The following BCL2 variants were observed in gnomAD, a reference collection of about 807,000 sequenced individuals.
BCL2 encodes apoptosis regulator Bcl-2.
Under a neutral mutation model 14.2 loss-of-function variants are expected in BCL2, and 1 was observed. The observed-to-expected ratio is 0.07, with a 90% CI of 0.02 to 0.33. The LOEUF (loss-of-function observed/expected upper bound fraction) is 0.33, where lower values mean the gene tolerates loss of function less well. Among genes scored for constraint, BCL2 ranks in the 10% least tolerant of loss-of-function variants. BCL2 has a pLI of 0.99. For missense variants in BCL2, 247 were observed against 305.9 expected, an observed-to-expected ratio of 0.81 and a Z score of 1.44; for synonymous variants, 151 against 137.2, an observed-to-expected ratio of 1.10 and a Z score of -0.70.
intron 2 of BCL2, among the ~76,000 whole-genome samples, chr18:63,218,028 G>T (rs1910254806): frequency 6.6e-6 from 1 of 152,176 alleles, no homozygotes; most frequent in South Asian, 2.1e-4. Context: ...TAGAAAGATA[G>T]GCCCCAGAAC....
chr18:63,312,708 G>A (rs527869505), intron 2 of BCL2, among the ~76,000 whole-genome samples: 48 of 152,230 alleles, frequency 3.2e-4, no homozygotes, highest in South Asian at 1.7e-3. Flanking sequence ...AAGAGCCCCC[G>A]CTCTGGTTCA....
intron 2 of BCL2, among the ~76,000 whole-genome samples, chr18:63,249,911 A>C (rs1338194609): frequency 6.6e-6 from 1 of 152,050 alleles, no homozygotes; most frequent in Non-Finnish European, 1.5e-5. Context: ...CCAGTGTGGA[A>C]GGAAAGGGAA....
At chr18:63,131,230 C>T (rs1424301813) in intron 2 of BCL2, among the ~76,000 whole-genome samples, 2 of 152,144 alleles carry the variant, frequency 1.3e-5, no homozygotes, top group Admixed American at 1.3e-4. Flanking sequence ...ATCAGCTAGC[C>T]CAGACCAGCG....
chr18:63,243,324 G>A (rs1287069228), intron 2 of BCL2, among the ~76,000 whole-genome samples: 2 of 152,088 alleles, frequency 1.3e-5, no homozygotes, highest in Non-Finnish European at 2.9e-5. Context: ...AGAACACATG[G>A]ACATATACAG....
At position 63,140,741 on chromosome 18, in the gene BCL2, A is replaced by G. The variant is rs543737989; in HGVS notation, c.586-11982T>C. Reference sequence around the variant, plus strand: ...ATTAGCTAAGGGTGATGGCTGTATAACCTTTTGAATATGCTAAAAACCAAT... The same window carrying G: ...ATTAGCTAAGGGTGATGGCTGTATAGCCTTTTGAATATGCTAAAAACCAAT... On this transcript the variant is annotated intron_variant, in intron 2 of 2. Coordinates refer to ENST00000333681, the MANE Select transcript of BCL2 (RefSeq NM_000633.3). Among the ~76,000 whole-genome samples the G allele has an allele frequency of 4.6e-5, 7 of 152,358 alleles. No individual in the cohort carries two copies. The East Asian group carries it at 1.3e-3, about 29-fold the overall frequency.
intron 2 of BCL2, among the ~76,000 whole-genome samples, chr18:63,261,036 G>T (rs181115986): frequency 6.6e-6 from 1 of 152,308 alleles, no homozygotes; most frequent in Admixed American, 6.5e-5. Flanking sequence ...TCGAGGGGCT[G>T]CTTCTTATCC....
rs116529078 is a variant in BCL2 at position 63,213,864 on chromosome 18, G to A, written c.586-85105C>T. Among the ~76,000 whole-genome samples the A allele has an allele frequency of 6.3e-3, 963 of 152,186 alleles. 9 individuals carry two copies. The highest frequency in any genetic ancestry group is 0.021 in the African/African-American group (874 of 41,500). ...CAGAATCTACAGGGCCCACCTCAAC[G>A]CACAAGGAAGCCCCAGGCCCTCAGG... On this transcript the variant is annotated intron_variant, in intron 2 of 2. Transcript: ENST00000333681.
In BCL2 at chr18:63,123,624, A is replaced by G. The variant is rs1157486934; in HGVS notation, c.*5001T>C. Reference sequence around the variant, plus strand: ...AAAATCTTGATAACAAAAGCTTTCAATACAAAAACACTTATTGTACACTTA... The same window carrying G: ...AAAATCTTGATAACAAAAGCTTTCAGTACAAAAACACTTATTGTACACTTA... On this transcript the variant is annotated 3_prime_UTR_variant, in exon 3 of 3. Transcript: ENST00000333681. 2 of 211,490 alleles carry G rather than the reference A, an allele frequency of 9.5e-6. No individual in the cohort carries two copies. Among genetic ancestry groups the G allele is most frequent in the Non-Finnish European group, 1.9e-5 (2 of 104,464 alleles). The allele number at this position is 211,490 out of a possible 1,614,324, so 13.1% of individuals were successfully genotyped here.
intron 2 of BCL2, among the ~76,000 whole-genome samples, chr18:63,310,342 AAC>A (rs1913272179): frequency 2.0e-5 from 3 of 152,054 alleles, no homozygotes; most frequent in African/African-American, 7.2e-5. Context: ...CAATTCCCCA[AAC>A]ACACCTCCCG....
At position 63,279,407 on chromosome 18, in the gene BCL2, T is replaced by C. The variant is rs76745750; in HGVS notation, c.585+38675A>G. 7.9e-5 allele frequency among the ~76,000 whole-genome samples: 12 copies of C among 152,152 alleles called. No homozygotes were observed. The East Asian group carries it at 2.3e-3, about 29-fold the overall frequency. ...TGCATAGGCACGTTCTAAAAGAAAA[T>C]AAGCATATGAAAAGATTATTAGTAA... is the stretch of plus-strand genomic sequence containing the variant. On this transcript the variant is annotated intron_variant, in intron 2 of 2. Coordinates refer to ENST00000333681, the MANE Select transcript of BCL2 (RefSeq NM_000633.3).
intron 2 of BCL2, among the ~76,000 whole-genome samples, chr18:63,144,809 C>T (rs1309360492): frequency 6.6e-6 from 1 of 152,152 alleles, no homozygotes; most frequent in East Asian, 1.9e-4. Context: ...AATGGGGCCA[C>T]ATCAACAGAA....
chr18:63,210,738 A>T (rs1013062661), intron 2 of BCL2, among the ~76,000 whole-genome samples: 3 of 151,994 alleles, frequency 2.0e-5, no homozygotes, highest in Non-Finnish European at 4.4e-5. Context: ...TTTTTTTTCC[A>T]CTGCCATTCA....
At chr18:63,197,540 C>T (rs557719721) in intron 2 of BCL2, among the ~76,000 whole-genome samples, 7 of 152,130 alleles carry the variant, frequency 4.6e-5, no homozygotes, top group South Asian at 2.1e-4. Flanking sequence ...CCTCAGAGGA[C>T]GGTGTCTGTG....
chr18:63,190,904 C>T (rs1055450524), intron 2 of BCL2, among the ~76,000 whole-genome samples: 1 of 152,170 alleles, frequency 6.6e-6, no homozygotes, highest in Non-Finnish European at 1.5e-5. Flanking sequence ...TCCCTGTGTC[C>T]ATGTGTTCTC....
At chr18:63,172,316 C>T (rs944326779) in intron 2 of BCL2, among the ~76,000 whole-genome samples, 4 of 152,248 alleles carry the variant, frequency 2.6e-5, no homozygotes, top group African/African-American at 7.2e-5. Flanking sequence ...TTATTCCTCA[C>T]TTATCTGTCT....
intron 2 of BCL2, among the ~76,000 whole-genome samples, chr18:63,233,805 T>G (rs1910749740): frequency 6.6e-6 from 1 of 151,782 alleles, no homozygotes; most frequent in African/African-American, 2.4e-5. Context: ...TTCTAAAGAG[T>G]GTTTACTGCT....
intron 2 of BCL2, among the ~76,000 whole-genome samples, chr18:63,147,065 C>T (rs1244484924): frequency 6.6e-6 from 1 of 152,204 alleles, no homozygotes; most frequent in Non-Finnish European, 1.5e-5. Context: ...CTCTGAAGCT[C>T]ATCATGTTAT....
intron 2 of BCL2, among the ~76,000 whole-genome samples, chr18:63,160,989 C>A (rs1914906844): frequency 6.6e-6 from 1 of 152,100 alleles, no homozygotes; most frequent in Non-Finnish European, 1.5e-5. Flanking sequence ...GTCTTCACGG[C>A]AAAAACAATT....
chr18:63,275,130 C>T (rs1190909728), intron 2 of BCL2, among the ~76,000 whole-genome samples: 1 of 151,774 alleles, frequency 6.6e-6, no homozygotes, highest in African/African-American at 2.4e-5. Context: ...TGTCTGTAAT[C>T]CCTGTACTTT....
Sources: gnomAD v4.1 joint callset for allele counts (sites outside exome capture counted in the v4.1 genomes callset) on GRCh38, gnomAD v4.1.1 for gene constraint, MANE v1.5 for transcripts, NCBI Gene and HGNC (gene_info 2026-07-23, HGNC 2026-07-21) for gene names.